MVK: variants seen among roughly 807,000 people sequenced by gnomAD.
MVK encodes the protein mevalonate kinase.
A neutral mutation model predicts 43.2 loss-of-function variants in MVK; 34 were observed. The observed-to-expected ratio is 0.79, with a 90% CI of 0.60 to 1.05. The LOEUF (loss-of-function observed/expected upper bound fraction) is 1.05. Ranked by LOEUF, MVK falls within the 50% of genes least tolerant of loss-of-function variation. The pLI, the probability that MVK is intolerant of heterozygous loss-of-function variation, is 0.00. For missense variants in MVK, 395 were observed against 504.0 expected, an observed-to-expected ratio of 0.78 and a Z score of 2.07; for synonymous variants, 190 against 219.8, an observed-to-expected ratio of 0.86 and a Z score of 1.20.
intron 5 of MVK, among the ~76,000 whole-genome samples, chr12:109,585,694 G>A (rs1444380199): frequency 6.6e-6 from 1 of 152,094 alleles, no homozygotes; most frequent in Admixed American, 6.5e-5. Context: ...GCTTGAACCC[G>A]GGAGAAAGTG....
At chr12:109,577,140 T>G (rs1884993161) in intron 3 of MVK, among the ~76,000 whole-genome samples, 3 of 152,234 alleles carry the variant, frequency 2.0e-5, no homozygotes, top group African/African-American at 7.2e-5. Flanking sequence ...AAGTACTGAT[T>G]TTTTCTTTGT....
intron 9 of MVK, among the ~76,000 whole-genome samples, chr12:109,593,457 G>A (rs929923767): frequency 2.0e-5 from 3 of 151,380 alleles, no homozygotes; most frequent in African/African-American, 4.8e-5. Flanking sequence ...AGCTTCACAC[G>A]GAAGTGAGGA....
intron 5 of MVK, 123 bp downstream of exon 5, chr12:109,581,673 T>G: frequency 7.2e-7 from 1 of 1,388,294 alleles, no homozygotes; most frequent in Non-Finnish European, 1.0e-6. Flanking sequence ...CATTTTAACA[T>G]GAGGAAGCTG....
intron 4 of MVK, among the ~76,000 whole-genome samples, chr12:109,580,153 A>G (rs1258310644): frequency 2.0e-5 from 3 of 152,152 alleles, no homozygotes; most frequent in African/African-American, 7.2e-5. Flanking sequence ...CTCAGGCTGG[A>G]ACGCAGTGGT....
At position 109,574,803 on chromosome 12, in the gene MVK, T is replaced by A. The variant is rs1884855679; in HGVS notation, c.-14-6T>A. On this transcript the variant is annotated splice_polypyrimidine_tract_variant and splice_region_variant and intron_variant, in intron 1 of 10. Transcript: ENST00000228510. Reference sequence around the variant, plus strand: ...CTTTGCTCTTCTCATTGGCTTTCCCTTTTAGGATTCCCAGGAGCCATGTTG... The same window carrying A: ...CTTTGCTCTTCTCATTGGCTTTCCCATTTAGGATTCCCAGGAGCCATGTTG... 1 of 1,582,854 alleles carries A rather than the reference T, an allele frequency of 6.3e-7. No individual in the cohort carries two copies. Among genetic ancestry groups the A allele is most frequent in the Non-Finnish European group, 8.6e-7 (1 of 1,162,596 alleles).
intron 5 of MVK, among the ~76,000 whole-genome samples, chr12:109,585,466 C>T (rs1885396304): frequency 6.6e-6 from 1 of 152,144 alleles, no homozygotes; most frequent in South Asian, 2.1e-4. Flanking sequence ...GGTTAGATAA[C>T]AGGCCCAGAG....
upstream of MVK, chr12:109,573,555 G>GC (rs745473679): frequency 1.1e-4 from 169 of 1,514,164 alleles, 1 homozygote; most frequent in African/African-American, 2.1e-3. Context: ...CCCACAGCTG[G>GC]CCGCGCCACC....
At chr12:109,590,472 T>C in intron 7 of MVK, 1 of 459,048 alleles carries the variant, frequency 2.2e-6, no homozygotes, top group Non-Finnish European at 4.0e-6. Context: ...TTCTCCCCTA[T>C]CCCCTCTCTG....
At chr12:109,594,916 G>A (rs1289750622) in intron 9 of MVK, 112 bp from the exon 10 acceptor site, 16 of 1,371,044 alleles carry the variant, frequency 1.2e-5, no homozygotes, top group Admixed American at 1.8e-5. Flanking sequence ...AGGCAAAGCC[G>A]TTGGCTGTCT....
intron 10 of MVK, 104 bp from the exon 11 acceptor site, chr12:109,596,307 TCAGGTGGGTCACAGC>T (rs1019437709): frequency 1.4e-6 from 2 of 1,432,904 alleles, no homozygotes; most frequent in African/African-American, 2.8e-5. Context: ...GCCTGTTGGC[TCAGGTGGGTCACAGC>T]CAGGAAGGCA....
intron 5 of MVK, among the ~76,000 whole-genome samples, chr12:109,583,090 T>TTG (rs1885296550): frequency 3.1e-5 from 1 of 31,836 alleles, no homozygotes; most frequent in East Asian, 3.7e-4. Context: ...CCTTGGTCTG[T>TTG]TTTTTTTTTC....
At chr12:109,577,370 G>A (rs1412813454) in intron 3 of MVK, among the ~76,000 whole-genome samples, 1 of 152,134 alleles carries the variant, frequency 6.6e-6, no homozygotes, top group African/African-American at 2.4e-5. Context: ...ATCTTTTTGG[G>A]TTTTTTCCTT....
At chr12:109,575,739 T>C (rs999480561) in intron 2 of MVK, among the ~76,000 whole-genome samples, 1 of 152,118 alleles carries the variant, frequency 6.6e-6, no homozygotes, top group Non-Finnish European at 1.5e-5. Context: ...ACATGGTGAT[T>C]ATGGGGAAGT....
chr12:109,573,633 TC>T, upstream of MVK: 1 of 914,608 alleles, frequency 1.1e-6, no homozygotes, highest in Non-Finnish European at 1.7e-6. Context: ...GGGACTTGTT[TC>T]CCATTGGTTT....
intron 3 of MVK, among the ~76,000 whole-genome samples, chr12:109,577,417 C>A (rs1440225694): frequency 2.0e-5 from 3 of 152,196 alleles, no homozygotes; most frequent in African/African-American, 7.2e-5. Context: ...GCTTCCCATT[C>A]CCCATGAGAA....
intron 2 of MVK, 73 bp from the exon 3 acceptor site, chr12:109,575,925 C>T: frequency 1.9e-6 from 3 of 1,578,596 alleles, no homozygotes; most frequent in East Asian, 2.2e-5. Flanking sequence ...TGTTTGCTCT[C>T]TTCTTAGCAC....
intron 5 of MVK, 90 bp from the exon 6 acceptor site, chr12:109,585,932 G>A: frequency 1.0e-6 from 1 of 1,004,626 alleles, no homozygotes; most frequent in East Asian, 2.4e-5. Flanking sequence ...AAGCTCCTAT[G>A]CCCCTTGGCC....
intron 6 of MVK, 40 bp from the exon 7 acceptor site, chr12:109,586,714 G>A (rs761356350): frequency 2.0e-5 from 32 of 1,611,944 alleles, no homozygotes; most frequent in Middle Eastern, 3.3e-4. Context: ...AGATATGTTA[G>A]CTTTTCCCAC....
At chr12:109,575,489 C>G (rs1357972226) in intron 2 of MVK, among the ~76,000 whole-genome samples, 1 of 151,722 alleles carries the variant, frequency 6.6e-6, no homozygotes, top group Non-Finnish European at 1.5e-5. Context: ...TCATGGCTCA[C>G]TGCAGCCTCC....
Sources: gnomAD v4.1 joint callset for allele counts (sites outside exome capture counted in the v4.1 genomes callset) on GRCh38, gnomAD v4.1.1 for gene constraint, MANE v1.5 for transcripts, NCBI Gene and HGNC (gene_info 2026-07-23, HGNC 2026-07-21) for gene names.